The following AKAP6 variants were observed in gnomAD, a reference collection of about 807,000 sequenced individuals.
AKAP6 encodes A-kinase anchor protein 6.
In AKAP6, 58 loss-of-function variants were observed where a neutral mutation model predicts 188.5. The observed-to-expected ratio is 0.31, with a 90% CI of 0.25 to 0.38. AKAP6 has a LOEUF of 0.38. Among genes scored for constraint, AKAP6 ranks in the 10% least tolerant of loss-of-function variants. The pLI, the probability that AKAP6 is intolerant of heterozygous loss-of-function variation, is 1.00. For synonymous variants in AKAP6, 989 were observed against 998.6 expected (o/e 0.99, Z 0.18); for missense variants, 2,710 against 2,740.0 (o/e 0.99, Z 0.24).
chr14:32,579,337 A>G (rs183661766), intron 5 of AKAP6, among the ~76,000 whole-genome samples: 1 of 152,276 alleles, frequency 6.6e-6, no homozygotes, highest in Non-Finnish European at 1.5e-5. Context: ...TTTCTGCCTA[A>G]TGATCAACAT....
chr14:32,707,395 C>T (rs1174845667), intron 9 of AKAP6, among the ~76,000 whole-genome samples: 1 of 151,962 alleles, frequency 6.6e-6, no homozygotes, highest in Non-Finnish European at 1.5e-5. Flanking sequence ...CAGTATTATC[C>T]CTTTTAGTAC....
intron 11 of AKAP6, among the ~76,000 whole-genome samples, chr14:32,761,333 T>C (rs977531406): frequency 6.6e-5 from 10 of 152,230 alleles, no homozygotes; most frequent in African/African-American, 2.4e-4. Context: ...TGTAGCATTC[T>C]GGAATAATAG....
intron 2 of AKAP6, among the ~76,000 whole-genome samples, chr14:32,529,783 A>AT (rs1347937474): frequency 1.3e-5 from 2 of 152,050 alleles, no homozygotes; most frequent in South Asian, 2.1e-4. Context: ...CAATAGGAAG[A>AT]TTTTTTGTAT....
At chr14:32,585,622 G>A (rs915687294) in intron 5 of AKAP6, among the ~76,000 whole-genome samples, 10 of 152,074 alleles carry the variant, frequency 6.6e-5, no homozygotes, top group East Asian at 1.9e-4. Context: ...GAGAGGTAAC[G>A]ATAGATTATA....
intron 12 of AKAP6, among the ~76,000 whole-genome samples, chr14:32,796,945 C>T (rs943561219): frequency 5.3e-5 from 8 of 151,998 alleles, no homozygotes; most frequent in Non-Finnish European, 1.0e-4. Flanking sequence ...CTTAGAGTTA[C>T]AAGAAAAATC....
At chr14:32,647,172 T>C (rs73264814) in intron 7 of AKAP6, among the ~76,000 whole-genome samples, 10,393 of 152,140 alleles carry the variant, frequency 0.068, 1,178 homozygotes, top group African/African-American at 0.24. Context: ...TATATTATTA[T>C]AAAAATGAAA....
chr14:32,687,657 T>A (rs1889995853), intron 8 of AKAP6, among the ~76,000 whole-genome samples: 2 of 152,094 alleles, frequency 1.3e-5, no homozygotes, highest in African/African-American at 4.8e-5. Context: ...CCCAAAGAAA[T>A]CTTATTTCCA....
At chr14:32,712,570 A>G (rs1422898751) in intron 9 of AKAP6, among the ~76,000 whole-genome samples, 1 of 152,108 alleles carries the variant, frequency 6.6e-6, no homozygotes, top group Non-Finnish European at 1.5e-5. Flanking sequence ...CTTATGTAAT[A>G]TTCTAAATCC....
chr14:32,479,467 T>G (rs1393187077), intron 2 of AKAP6, among the ~76,000 whole-genome samples: 1 of 152,188 alleles, frequency 6.6e-6, no homozygotes, highest in Non-Finnish European at 1.5e-5. Context: ...TGGACTCAGA[T>G]TCTATAACAA....
intron 1 of AKAP6, among the ~76,000 whole-genome samples, chr14:32,342,340 G>A (rs572264512): frequency 6.6e-6 from 1 of 152,222 alleles, no homozygotes; most frequent in Admixed American, 6.5e-5. Context: ...CCTGCCCTTA[G>A]GGTGGAGACT....
chr14:32,395,098 C>T (rs779809620), intron 1 of AKAP6, among the ~76,000 whole-genome samples: 3 of 152,040 alleles, frequency 2.0e-5, no homozygotes, highest in Non-Finnish European at 4.4e-5. Context: ...GGCCTTTAGA[C>T]CCTGCTCATC....
chr14:32,630,708 G>A lies in AKAP6; in HGVS notation c.2730+29916G>A, dbSNP rs138839607. 1.4e-4 allele frequency among the ~76,000 whole-genome samples: 21 copies of A among 152,150 alleles called. No individual in the cohort carries two copies. The East Asian group carries it at 3.7e-3, about 27-fold the overall frequency. Reference sequence around the variant, plus strand: ...TCTACATGGCATGTGTAAAGTCTATGTAACAATGTAACCCTTTCCTGATAC... The same window carrying A: ...TCTACATGGCATGTGTAAAGTCTATATAACAATGTAACCCTTTCCTGATAC... On this transcript the variant is annotated intron_variant, in intron 7 of 13. Coordinates refer to ENST00000280979, the MANE Select transcript of AKAP6 (RefSeq NM_004274.5).
In AKAP6 at chr14:32,786,306, T is replaced by G. The variant is rs1397841246; in HGVS notation, c.3588+12413T>G. Among the ~76,000 whole-genome samples the G allele has an allele frequency of 1.0e-3, 93 of 90,214 alleles. 15 individuals are homozygous for G. The highest frequency in any genetic ancestry group is 1.2e-3 in the Non-Finnish European group (48 of 41,728). 59.2% of individuals were successfully genotyped at this position (90,214 alleles called of 152,430 possible). A position where few individuals can be genotyped will look rare whatever the true frequency, so the allele number is the denominator to read the frequency against. On this transcript the variant is annotated intron_variant, in intron 12 of 13. Transcript: ENST00000280979. ...AAGACCTAAACCTTTATCTTTTTTT[T>G]TTTTTTTTTTTTTTTTTTTGAGACG...
chr14:32,799,489 C>T (rs1198938569), intron 12 of AKAP6, among the ~76,000 whole-genome samples: 6 of 152,198 alleles, frequency 3.9e-5, no homozygotes, highest in South Asian at 2.1e-4. Context: ...TGTTGCATCC[C>T]GTCAATCTTG....
intron 2 of AKAP6, among the ~76,000 whole-genome samples, chr14:32,452,080 G>C (rs1416328602): frequency 7.7e-6 from 1 of 129,566 alleles, no homozygotes; most frequent in Non-Finnish European, 1.6e-5. Context: ...GGAGTCCAGT[G>C]GTGCAATCAC....
In AKAP6 at chr14:32,837,260, G is replaced by A. The variant is rs1480199669; in HGVS notation, c.*7455G>A. Reference sequence around the variant, plus strand: ...AATGCATAAAAATATGATGTAATAAGAAACAATCCTGAAATTATTAAAACA... The same window carrying A: ...AATGCATAAAAATATGATGTAATAAAAAACAATCCTGAAATTATTAAAACA... On this transcript the variant is annotated 3_prime_UTR_variant, in exon 14 of 14. Coordinates refer to ENST00000280979, the MANE Select transcript of AKAP6 (RefSeq NM_004274.5). 1 of 152,120 alleles carries A rather than the reference G, an allele frequency of 6.6e-6. No individual in the cohort carries two copies. The highest frequency in any genetic ancestry group is 1.5e-5 in the Non-Finnish European group (1 of 68,016). 9.4% of individuals were successfully genotyped at this position (152,120 alleles called of 1,614,324 possible). A position where few individuals can be genotyped will look rare whatever the true frequency, so the allele number is the denominator to read the frequency against.
chr14:32,716,098 A>G (rs1044891665), intron 9 of AKAP6, among the ~76,000 whole-genome samples: 6 of 152,148 alleles, frequency 3.9e-5, no homozygotes, highest in African/African-American at 1.4e-4. Context: ...ATGCAAGCAA[A>G]GTTTAAATAT....
At chr14:32,682,073 A>G (rs139046227) in intron 8 of AKAP6, among the ~76,000 whole-genome samples, 12 of 152,332 alleles carry the variant, frequency 7.9e-5, no homozygotes, top group African/African-American at 2.9e-4. Flanking sequence ...AAATATGTGT[A>G]GGGAAGAGGG....
intron 2 of AKAP6, among the ~76,000 whole-genome samples, chr14:32,527,510 T>C (rs1309049566): frequency 6.6e-6 from 1 of 152,200 alleles, no homozygotes; most frequent in Non-Finnish European, 1.5e-5. Flanking sequence ...ATGGTGAGAA[T>C]ATGTTTAGCT....
Sources: gnomAD v4.1 joint callset for allele counts (sites outside exome capture counted in the v4.1 genomes callset) on GRCh38, gnomAD v4.1.1 for gene constraint, MANE v1.5 for transcripts, NCBI Gene and HGNC (gene_info 2026-07-23, HGNC 2026-07-21) for gene names.